SPOP: variants seen among roughly 807,000 people sequenced by gnomAD.
SPOP encodes the protein speckle type BTB/POZ protein, also known as speckle-type POZ protein.
SPOP carries 11 observed loss-of-function variants against 45.6 expected under a neutral mutation model. The ratio of observed to expected loss-of-function variants is 0.24; its 90% CI spans 0.15 to 0.40. The LOEUF (loss-of-function observed/expected upper bound fraction) is 0.40. Ranked by LOEUF, SPOP falls within the 10% of genes least tolerant of loss-of-function variation. The probability of loss-of-function intolerance (pLI) is 1.00; values close to 1 mark genes in which losing one functional copy is unlikely to be tolerated. For synonymous variants in SPOP, 166 were observed against 166.3 expected, an observed-to-expected ratio of 1.00 and a Z score of 0.01; for missense variants, 152 against 465.6, an observed-to-expected ratio of 0.33 and a Z score of 6.20.
chr17:49,668,720 C>T (rs1213836236), intron 1 of SPOP, among the ~76,000 whole-genome samples: 2 of 151,056 alleles, frequency 1.3e-5, no homozygotes, highest in African/African-American at 4.9e-5. Flanking sequence ...TACATATATA[C>T]ACACATATAT....
intron 1 of SPOP, among the ~76,000 whole-genome samples, chr17:49,630,093 CA>C (rs1179796677): frequency 7.9e-5 from 12 of 152,010 alleles, no homozygotes; most frequent in African/African-American, 2.9e-4. Context: ...GTACAGTTTC[CA>C]AGTAAAGAAA....
intron 5 of SPOP, among the ~76,000 whole-genome samples, chr17:49,616,578 A>G (rs1334321718): frequency 6.6e-6 from 1 of 152,240 alleles, no homozygotes; most frequent in Non-Finnish European, 1.5e-5. Context: ...TCTAGCTATG[A>G]AAAGTGCTAA....
At chr17:49,620,586 T>G (rs1174340301) in intron 3 of SPOP, 1 of 153,902 alleles carries the variant, frequency 6.5e-6, no homozygotes, top group African/African-American at 2.4e-5. Context: ...AGAGGCAATA[T>G]GAAGGAAGCA....
At chr17:49,607,124 A>G in intron 8 of SPOP, 126 bp downstream of exon 8, 1 of 1,180,140 alleles carries the variant, frequency 8.5e-7, no homozygotes, top group Non-Finnish European at 1.2e-6. Flanking sequence ...TGTGTAAACC[A>G]GGACCGTCTT....
chr17:49,661,056 G>T (rs1230039164), intron 1 of SPOP, among the ~76,000 whole-genome samples: 3 of 152,102 alleles, frequency 2.0e-5, no homozygotes, highest in Non-Finnish European at 2.9e-5. Flanking sequence ...TTTCTAGACT[G>T]CAAATTCCAT....
At chr17:49,605,861 G>A (rs980457179) in intron 8 of SPOP, among the ~76,000 whole-genome samples, 16 of 150,598 alleles carry the variant, frequency 1.1e-4, no homozygotes, top group East Asian at 9.9e-4. Flanking sequence ...GGTGGCGGGC[G>A]CCTGTAATCC....
At chr17:49,672,977 C>T (rs2073155722) in intron 1 of SPOP, among the ~76,000 whole-genome samples, 1 of 151,776 alleles carries the variant, frequency 6.6e-6, no homozygotes, top group Non-Finnish European at 1.5e-5. Flanking sequence ...TATCATGTGG[C>T]TTCTAAATTG....
intron 1 of SPOP, among the ~76,000 whole-genome samples, chr17:49,671,707 G>A (rs2073137989): frequency 6.6e-6 from 1 of 152,138 alleles, no homozygotes. Context: ...CAATTTTTTA[G>A]TAGAAATTAT....
rs571940593 is a variant in SPOP at position 49,615,887 on chromosome 17, T to A, written c.480+3094A>T. Among the ~76,000 whole-genome samples, 130 of 152,246 alleles carry A rather than the reference T, an allele frequency of 8.5e-4. 1 individual carries two copies. In the Middle Eastern group the frequency reaches 0.017, roughly 20 times the overall value. On this transcript the variant is annotated intron_variant, in intron 5 of 9. Transcript: ENST00000504102. ...TTCCTGACTCCCTGGGCACTGCTTC[T>A]CTCCCCTTGTAACATGAAATGAAGA... is the stretch of plus-strand genomic sequence containing the variant.
chr17:49,630,356 T>C (rs2143364872), intron 1 of SPOP, among the ~76,000 whole-genome samples: 1 of 152,342 alleles, frequency 6.6e-6, no homozygotes, highest in East Asian at 1.9e-4. Context: ...TTACAGGTCA[T>C]ACTGACTTCT....
At chr17:49,645,005 C>G (rs1040944072) in intron 1 of SPOP, among the ~76,000 whole-genome samples, 1 of 151,650 alleles carries the variant, frequency 6.6e-6, no homozygotes, top group African/African-American at 2.4e-5. Context: ...CTTTTCAAAT[C>G]GATGAATTCA....
Position 49,657,130 on chromosome 17 carries a change from AGCCGAGATTGC to A in SPOP, c.-67+20792_-67+20802del, listed in dbSNP as rs375939159. ...AACCTGGGAGGCGGAGCTTGCAGTG[AGCCGAGATTGC>A]GCCGAGATTGCGCCACTGCACTCCA... On this transcript the variant is annotated intron_variant, in intron 1 of 9. Coordinates refer to ENST00000504102, the MANE Select transcript of SPOP (RefSeq NM_001007228.2). Among the ~76,000 whole-genome samples the A allele has an allele frequency of 5.8e-3, 883 of 151,804 alleles. 5 individuals carry two copies. Among genetic ancestry groups the A allele is most frequent in the African/African-American group, 0.02 (825 of 41,406 alleles).
chr17:49,676,781 A>G (rs912397987), intron 1 of SPOP, among the ~76,000 whole-genome samples: 1 of 152,250 alleles, frequency 6.6e-6, no homozygotes, highest in Admixed American at 6.5e-5. Flanking sequence ...ATCCAAAAAA[A>G]GGGCCACATA....
chr17:49,607,452 T>C, intron 7 of SPOP, 80 bp from the exon 8 acceptor site: 12 of 1,521,672 alleles, frequency 7.9e-6, no homozygotes, highest in East Asian at 2.3e-5. Flanking sequence ...GATTTTAAGC[T>C]CTAGTGAGGA....
At chr17:49,651,664 A>G (rs1405464185) in intron 1 of SPOP, among the ~76,000 whole-genome samples, 1 of 152,216 alleles carries the variant, frequency 6.6e-6, no homozygotes, top group Non-Finnish European at 1.5e-5. Context: ...TATCATCTTA[A>G]TCAAATTATT....
chr17:49,674,471 T>C (rs976020652), intron 1 of SPOP, among the ~76,000 whole-genome samples: 1 of 152,242 alleles, frequency 6.6e-6, no homozygotes, highest in African/African-American at 2.4e-5. Flanking sequence ...ATCCATTTCT[T>C]CTAGGTTTTC....
At chr17:49,643,945 AAAAG>A (rs889671703) in intron 1 of SPOP, among the ~76,000 whole-genome samples, 2 of 151,982 alleles carry the variant, frequency 1.3e-5, no homozygotes, top group Non-Finnish European at 1.5e-5. Context: ...AAAAAAAAAA[AAAAG>A]AAAGTATTCT....
chr17:49,666,320 G>A (rs1597983293), intron 1 of SPOP, among the ~76,000 whole-genome samples: 1 of 151,948 alleles, frequency 6.6e-6, no homozygotes, highest in Non-Finnish European at 1.5e-5. Flanking sequence ...TACTTCACAG[G>A]AAACATCGAA....
At chr17:49,606,554 C>T (rs538882251) in intron 8 of SPOP, among the ~76,000 whole-genome samples, 5 of 137,310 alleles carry the variant, frequency 3.6e-5, no homozygotes, top group Middle Eastern at 4.8e-3. Context: ...GCTGGAGTGG[C>T]ACGATCTCAG....
Sources: gnomAD v4.1 joint callset for allele counts (sites outside exome capture counted in the v4.1 genomes callset) on GRCh38, gnomAD v4.1.1 for gene constraint, MANE v1.5 for transcripts, NCBI Gene and HGNC (gene_info 2026-07-23, HGNC 2026-07-21) for gene names.